THSD7B: variants seen among roughly 807,000 people sequenced by gnomAD.
THSD7B encodes the protein thrombospondin type-1 domain-containing protein 7B.
Under a neutral mutation model 213.6 loss-of-function variants are expected in THSD7B, and 138 were observed. The ratio of observed to expected loss-of-function variants is 0.65; its 90% CI spans 0.56 to 0.74. The LOEUF is 0.74. Among genes scored for constraint, THSD7B ranks in the 30% least tolerant of loss-of-function variants. THSD7B has a pLI of 0.00. For synonymous variants in THSD7B, 742 were observed against 687.0 expected, an observed-to-expected ratio of 1.08 and a Z score of -1.25; for missense variants, 1,931 against 1,991.5, an observed-to-expected ratio of 0.97 and a Z score of 0.58.
At chr2:136,867,679 T>G (rs1683366084) in intron 1 of THSD7B, among the ~76,000 whole-genome samples, 1 of 152,210 alleles carries the variant, frequency 6.6e-6, no homozygotes, top group Non-Finnish European at 1.5e-5. Context: ...TCATGATGCG[T>G]CTGTCTGGGC....
chr2:137,075,810 G>C (rs1415031052), intron 3 of THSD7B, among the ~76,000 whole-genome samples: 1 of 152,300 alleles, frequency 6.6e-6, no homozygotes, highest in Middle Eastern at 3.4e-3. Flanking sequence ...AAACAGACAG[G>C]ACCCTCAGCT....
At position 137,590,605 on chromosome 2, in the gene THSD7B, C is replaced by T. The variant is rs1681842329; in HGVS notation, c.3423+18049C>T. On this transcript the variant is annotated intron_variant, in intron 17 of 27. Coordinates refer to ENST00000409968, the MANE Select transcript of THSD7B (RefSeq NM_001316349.2). ...GACATCTTTATTTTTCCAAGAAAAACAACTCAATCACTCCTACTGTATAGT... is the reference window on the plus strand; with the variant it reads ...GACATCTTTATTTTTCCAAGAAAAATAACTCAATCACTCCTACTGTATAGT... Among the ~76,000 whole-genome samples, 3 of 151,946 alleles carry T rather than the reference C, an allele frequency of 2.0e-5. No homozygotes were observed. In the South Asian group the frequency reaches 6.2e-4, roughly 31 times the overall value.
intron 2 of THSD7B, among the ~76,000 whole-genome samples, chr2:136,898,693 A>T (rs1684009748): frequency 7.0e-6 from 1 of 142,732 alleles, no homozygotes; most frequent in African/African-American, 2.6e-5. Flanking sequence ...ACCAGGCTGG[A>T]GTGCAGTGGC....
intron 15 of THSD7B, among the ~76,000 whole-genome samples, chr2:137,557,451 C>A (rs1256776428): frequency 6.6e-6 from 1 of 152,122 alleles, no homozygotes; most frequent in African/African-American, 2.4e-5. Context: ...GAACAACCTG[C>A]TCCTGAATGA....
At chr2:137,606,484 G>T (rs894379645) in intron 17 of THSD7B, among the ~76,000 whole-genome samples, 1 of 152,128 alleles carries the variant, frequency 6.6e-6, no homozygotes, top group African/African-American at 2.4e-5. Context: ...TAGATCCATT[G>T]TTTGGCCCCT....
chr2:137,218,927 C>T (rs1681306717), intron 7 of THSD7B, among the ~76,000 whole-genome samples: 1 of 151,754 alleles, frequency 6.6e-6, no homozygotes, highest in Non-Finnish European at 1.5e-5. Flanking sequence ...TAAGTATTAG[C>T]TTCTATGCTG....
chr2:137,086,464 C>T (rs999682019), intron 3 of THSD7B, among the ~76,000 whole-genome samples: 12 of 152,316 alleles, frequency 7.9e-5, no homozygotes, highest in African/African-American at 2.9e-4. Flanking sequence ...CTTCTGTCTC[C>T]TTCTCTGACT....
At position 136,837,004 on chromosome 2, in the gene THSD7B, T is replaced by C. The variant is rs910068168; in HGVS notation, c.-35-45140T>C. Among the ~76,000 whole-genome samples the C allele has an allele frequency of 3.9e-5, 6 of 152,220 alleles. No individual in the cohort carries two copies. In the East Asian group the frequency reaches 1.2e-3, roughly 29 times the overall value. ...TTAGCAAGTCCTGTCAGCTATACTTTCAAAATATATTCCACATATATCTCC... is the reference window on the plus strand; with the variant it reads ...TTAGCAAGTCCTGTCAGCTATACTTCCAAAATATATTCCACATATATCTCC... On this transcript the variant is annotated intron_variant, in intron 1 of 27. Coordinates refer to ENST00000409968, the MANE Select transcript of THSD7B (RefSeq NM_001316349.2).
chr2:137,367,062 A>G (rs1282520550), intron 12 of THSD7B, among the ~76,000 whole-genome samples: 4 of 152,144 alleles, frequency 2.6e-5, no homozygotes, highest in African/African-American at 7.2e-5. Flanking sequence ...AATAAAATTT[A>G]AAAATGAATG....
At chr2:137,074,678 C>T (rs995908710) in intron 3 of THSD7B, among the ~76,000 whole-genome samples, 4 of 152,138 alleles carry the variant, frequency 2.6e-5, no homozygotes, top group Non-Finnish European at 5.9e-5. Context: ...TTCTTCCTAG[C>T]CTTGACGGTC....
At chr2:136,876,836 A>G (rs1683532974) in intron 1 of THSD7B, among the ~76,000 whole-genome samples, 1 of 152,132 alleles carries the variant, frequency 6.6e-6, no homozygotes, top group Non-Finnish European at 1.5e-5. Flanking sequence ...CACAGCTGAA[A>G]CTTGTACACT....
At chr2:137,519,989 A>C (rs1680149950) in intron 15 of THSD7B, among the ~76,000 whole-genome samples, 1 of 152,230 alleles carries the variant, frequency 6.6e-6, no homozygotes, top group African/African-American at 2.4e-5. Flanking sequence ...AAACACATGA[A>C]GACGAAGAGC....
chr2:137,169,495 C>T (rs772123829), intron 6 of THSD7B, among the ~76,000 whole-genome samples: 3 of 152,022 alleles, frequency 2.0e-5, no homozygotes, highest in African/African-American at 7.2e-5. Context: ...TCTCCCCTCC[C>T]CTTGTGGGAA....
chr2:137,636,274 G>A (rs867380429), intron 20 of THSD7B, among the ~76,000 whole-genome samples: 4 of 151,240 alleles, frequency 2.6e-5, no homozygotes, highest in Admixed American at 1.3e-4. Flanking sequence ...TTAAACGTGT[G>A]TCCACTACAA....
intron 2 of THSD7B, among the ~76,000 whole-genome samples, chr2:136,992,540 T>C (rs527784157): frequency 8.2e-4 from 125 of 152,178 alleles, no homozygotes; most frequent in Admixed American, 3.9e-3. Flanking sequence ...AAACAGCCAA[T>C]AAACGGAGAA....
Position 136,788,530 on chromosome 2 carries a change from A to G in THSD7B, c.-36+22843A>G, listed in dbSNP as rs190495913. On this transcript the variant is annotated intron_variant, in intron 1 of 27. Transcript: ENST00000409968. The stretch of plus-strand genomic sequence containing the variant: ...TGTATGTCTTACTCAGCTCAGGAAA[A>G]AAATATTCTTTTATATTTGATTTTT... 2.2e-4 allele frequency among the ~76,000 whole-genome samples: 34 copies of G among 152,308 alleles called. No homozygotes were observed. In the East Asian group the frequency reaches 6.6e-3, roughly 29 times the overall value.
chr2:137,550,488 A>G (rs149345708), intron 15 of THSD7B, among the ~76,000 whole-genome samples: 2,010 of 152,224 alleles, frequency 0.013, 40 homozygotes, highest in African/African-American at 0.045. Context: ...AGGAATTTCT[A>G]CTTCTCTGCC....
At chr2:137,464,668 G>A (rs1300617814) in intron 15 of THSD7B, among the ~76,000 whole-genome samples, 1 of 152,042 alleles carries the variant, frequency 6.6e-6, no homozygotes, top group East Asian at 1.9e-4. Flanking sequence ...CCAGTAGTTG[G>A]AATTTGGCCA....
chr2:136,968,760 T>G (rs893197387), intron 2 of THSD7B, among the ~76,000 whole-genome samples: 3 of 152,138 alleles, frequency 2.0e-5, no homozygotes, highest in Non-Finnish European at 4.4e-5. Flanking sequence ...TTTTGATATT[T>G]GTTTATGCTG....
Sources: gnomAD v4.1 joint callset for allele counts (sites outside exome capture counted in the v4.1 genomes callset) on GRCh38, gnomAD v4.1.1 for gene constraint, MANE v1.5 for transcripts, NCBI Gene and HGNC (gene_info 2026-07-23, HGNC 2026-07-21) for gene names.